Variants in FLRT3 observed in about 807,000 individuals in gnomAD.
FLRT3 encodes the protein fibronectin leucine rich transmembrane protein 3.
FLRT3 carries 17 observed loss-of-function variants against 42.6 expected under a neutral mutation model. The observed-to-expected ratio is 0.40, with a 90% CI of 0.27 to 0.60. The LOEUF is 0.60. Among genes scored for constraint, FLRT3 ranks in the 20% least tolerant of loss-of-function variants. The probability of loss-of-function intolerance (pLI) is 0.44; values close to 1 mark genes in which losing one functional copy is unlikely to be tolerated. For synonymous variants in FLRT3, 279 were observed against 286.4 expected, an observed-to-expected ratio of 0.97 and a Z score of 0.26; for missense variants, 635 against 789.2, an observed-to-expected ratio of 0.80 and a Z score of 2.34.
chr20:14,325,678 A>G lies in FLRT3; in HGVS notation c.1829T>C (p.Val610Ala), dbSNP rs554650400. Residue 610 changes from valine (V) to alanine (A), a missense_variant, in exon 3 of 3, where the codon GTA (valine) becomes GCA (alanine). Physicochemically the swap from Val to Ala is moderately conservative, Grantham distance 64. Transcript: ENST00000341420. ...ATTAGGAGGAAATATGGTGTGTATTACAAACTCCTCCTTCGAGATGGGTTC... is the reference window on the plus strand; with the variant it reads ...ATTAGGAGGAAATATGGTGTGTATTGCAAACTCCTCCTTCGAGATGGGTTC... Reference protein sequence around the residue: ...SNEPISKEEFVIHTIFPPNGM... With the variant: ...SNEPISKEEFAIHTIFPPNGM... The G allele has an allele frequency of 1.9e-5, 30 of 1,613,730 alleles. No homozygotes were observed. Among genetic ancestry groups the G allele is most frequent in the Non-Finnish European group, 2.0e-5 (24 of 1,179,804 alleles).
chr20:14,326,652 A>G lies in FLRT3; in HGVS notation c.855T>C (p.Asn285=). 6.2e-7 allele frequency: 1 copy of G among 1,613,772 alleles called. No individual in the cohort carries two copies. Among genetic ancestry groups the G allele is most frequent in the Non-Finnish European group, 8.5e-7 (1 of 1,179,816 alleles). ...RLDMSNNNLS[N]LPQGIFDDLD... is the part of the protein sequence containing the mutation. ...AATCATCAAAGATACCCTGAGGTAA[A>G]TTACTTAGGTTATTATTGGACATAT... The change falls in exon 3 of 3, where the codon AAT becomes AAC. Residue 285 remains asparagine (N), a synonymous_variant. Transcript: ENST00000341420. The surrounding 1 kb of genome is among the most constrained non-coding windows in gnomAD (Gnocchi z 5.5).
rs563726843 is a variant in FLRT3 at position 14,330,563 on chromosome 20, T to C, written c.-246-1236A>G. Among the ~76,000 whole-genome samples, 29 of 152,204 alleles carry C rather than the reference T, an allele frequency of 1.9e-4. No individual in the cohort carries two copies. The South Asian group carries it at 5.6e-3, about 29-fold the overall frequency. On this transcript the variant is annotated intron_variant, in intron 1 of 2. Transcript: ENST00000341420. ...AAAAATTCAGTTTCTTTTAGTTTGC[T>C]AACTACATACCAACATGGTCATAGG...
intron 2 of FLRT3, among the ~76,000 whole-genome samples, chr20:14,328,640 T>G (rs137919181): frequency 5.7e-4 from 87 of 152,248 alleles, no homozygotes; most frequent in African/African-American, 1.8e-3. Context: ...TATATTATTT[T>G]CCTGGTGAGG....
rs1437263755 is a variant in FLRT3, at chr20:14,329,115, C to A, written c.-53+19G>T. 1 of 152,174 alleles carries A rather than the reference C, an allele frequency of 6.6e-6. No individual in the cohort carries two copies. The highest frequency in any genetic ancestry group is 2.4e-5 in the African/African-American group (1 of 41,560). The allele number at this position is 152,174 out of a possible 1,614,324, so 9.4% of individuals were successfully genotyped here. A position where few individuals can be genotyped will look rare whatever the true frequency, so the allele number is the denominator to read the frequency against. On this transcript the variant is annotated intron_variant, in intron 2 of 2. Coordinates refer to ENST00000341420, the MANE Select transcript of FLRT3 (RefSeq NM_198391.3). ...AAGTATAAACTTTGTACAGTAGCTACATCCTGAGGTATGATTACCTGCTGT... is the reference window on the plus strand; with the variant it reads ...AAGTATAAACTTTGTACAGTAGCTAAATCCTGAGGTATGATTACCTGCTGT...
Position 14,337,509 on chromosome 20 carries a change from C to G in FLRT3, c.-352G>C, listed in dbSNP as rs1218047616. 5 of 398,654 alleles carry G rather than the reference C, an allele frequency of 1.3e-5. No homozygotes were observed. The Admixed American group carries it at 2.2e-4, about 18-fold the overall frequency. The allele number at this position is 398,654 out of a possible 1,614,324, so 24.7% of individuals were successfully genotyped here. A position where few individuals can be genotyped will look rare whatever the true frequency, so the allele number is the denominator to read the frequency against. ...CTCCCCCGTCTCCCAAGCTCTGCGT[C>G]CAGTCCACACAAAGCCCACGGCAGC... On this transcript the variant is annotated 5_prime_UTR_variant, in exon 1 of 3. Coordinates refer to ENST00000341420, the MANE Select transcript of FLRT3 (RefSeq NM_198391.3).
intron 1 of FLRT3, among the ~76,000 whole-genome samples, chr20:14,334,728 A>G (rs937361033): frequency 1.3e-5 from 2 of 152,040 alleles, no homozygotes; most frequent in Non-Finnish European, 2.9e-5. Flanking sequence ...AAAATTACTG[A>G]ATCTTATTTC....
At position 14,324,228 on chromosome 20, in the gene FLRT3, C is replaced by T. The variant is rs1406769122; in HGVS notation, c.*1329G>A. The T allele has an allele frequency of 6.6e-6, 1 of 151,796 alleles. No individual in the cohort carries two copies. Among genetic ancestry groups the T allele is most frequent in the Non-Finnish European group, 1.5e-5 (1 of 67,916 alleles). 9.4% of individuals were successfully genotyped at this position (151,796 alleles called of 1,614,324 possible). ...AGTTTTAAAAGCTGAATACATGTAG[C>T]GTTGGATCAAGGCACATACAAGACT... On this transcript the variant is annotated 3_prime_UTR_variant, in exon 3 of 3. Transcript: ENST00000341420.
At position 14,325,853 on chromosome 20, in the gene FLRT3, C is replaced by A. The variant is rs546681165; in HGVS notation, c.1654G>T (p.Val552Phe). ...IALLALVCWY[V>F]HRNGSLFSRN... ...GAGAAGAGCGATCCATTCCTATGAACATACCAACACACTAAAGCAAGAAGG... is the reference window on the plus strand; with the variant it reads ...GAGAAGAGCGATCCATTCCTATGAAAATACCAACACACTAAAGCAAGAAGG... The change falls in exon 3 of 3, where the codon GTT (valine) becomes TTT (phenylalanine). Residue 552 changes from valine to phenylalanine, a missense_variant. By Grantham distance (50) the Val-to-Phe change is conservative. Transcript: ENST00000341420. The A allele has an allele frequency of 6.2e-7, 1 of 1,613,918 alleles. No homozygotes were observed. The highest frequency in any genetic ancestry group is 1.3e-5 in the African/African-American group (1 of 75,020).
intron 2 of FLRT3, 25 bp from the exon 3 acceptor site, chr20:14,327,583 A>T: frequency 6.9e-7 from 1 of 1,457,978 alleles, no homozygotes; most frequent in Non-Finnish European, 9.2e-7. Context: ...GTAAAAAAAG[A>T]CAGAAAACAA....
Position 14,323,215 on chromosome 20 carries a change from GC to G in FLRT3, c.*2341del. 6.6e-6 allele frequency: 1 copy of G among 152,280 alleles called. No individual in the cohort carries two copies. The highest frequency in any genetic ancestry group is 2.4e-5 in the African/African-American group (1 of 41,564). 9.4% of individuals were successfully genotyped at this position (152,280 alleles called of 1,614,324 possible). On this transcript the variant is annotated 3_prime_UTR_variant, in exon 3 of 3. Transcript: ENST00000341420. ...ACTGCCTCCTCTTCAGACACCAGTT[GC>G]AAGACTAGTCAGCTTCAAGTTTGGT...
chr20:14,325,753 G>C lies in FLRT3; in HGVS notation c.1754C>G (p.Ser585Cys). The C allele has an allele frequency of 6.2e-7, 1 of 1,613,924 alleles. No homozygotes were observed. Among genetic ancestry groups the C allele is most frequent in the Non-Finnish European group, 8.5e-7 (1 of 1,179,874 alleles). ...AGAAGTTTCCCTGATTTCCAGGATA[G>C]AGTTGTCCTTCTTAGTGCCAGCTTC... ...YAEAGTKKDN[S>C]ILEIRETSFQ... Residue 585 changes from serine (S) to cysteine (C), a missense_variant, in exon 3 of 3, where the codon TCT becomes TGT. Coordinates refer to ENST00000341420, the MANE Select transcript of FLRT3 (RefSeq NM_198391.3).
chr20:14,331,337 C>G (rs139560933), intron 1 of FLRT3, among the ~76,000 whole-genome samples: 1 of 151,982 alleles, frequency 6.6e-6, no homozygotes, highest in Admixed American at 6.6e-5. Context: ...TGTGAAAAGA[C>G]GGAAGATTAA....
rs2082729675 is a variant in FLRT3, at chr20:14,326,122, C to G, written c.1385G>C (p.Ser462Thr). Residue 462 changes from serine (S) to threonine (T), a missense_variant, in exon 3 of 3, where the codon AGT (serine) becomes ACT (threonine). Coordinates refer to ENST00000341420, the MANE Select transcript of FLRT3 (RefSeq NM_198391.3). This position sits in a 1 kb window ranked among gnomAD's most constrained non-coding sequence, Gnocchi z 5.5. ...ITETIVTGER[S>T]EYLVTALEPD... Reference sequence around the variant, plus strand: ...CTCCAGGGCTGTGACCAAGTACTCACTGCGTTCCCCTGTTACAATTGTTTC... The same window carrying G: ...CTCCAGGGCTGTGACCAAGTACTCAGTGCGTTCCCCTGTTACAATTGTTTC... The G allele has an allele frequency of 1.2e-6, 2 of 1,613,768 alleles. No homozygotes were observed. Among genetic ancestry groups the G allele is most frequent in the Non-Finnish European group, 1.7e-6 (2 of 1,179,894 alleles).
rs6131569 is a variant in FLRT3 at position 14,323,443 on chromosome 20, T to C, written c.*2114A>G. 58,935 of 152,066 alleles carry C rather than the reference T, an allele frequency of 0.39. 12,833 individuals are homozygous for C. Among genetic ancestry groups the C allele is most frequent in the Non-Finnish European group, 0.49 (33,308 of 67,952 alleles). The allele number at this position is 152,066 out of a possible 1,614,324, so 9.4% of individuals were successfully genotyped here. A position where few individuals can be genotyped will look rare whatever the true frequency, so the allele number is the denominator to read the frequency against. On this transcript the variant is annotated 3_prime_UTR_variant, in exon 3 of 3. Coordinates refer to ENST00000341420, the MANE Select transcript of FLRT3 (RefSeq NM_198391.3). Reference sequence around the variant, plus strand: ...GCAGGAACCACCACATGTTCAGCAATCTGGAAGCTCTCCAAATCTTGACCT... The same window carrying C: ...GCAGGAACCACCACATGTTCAGCAACCTGGAAGCTCTCCAAATCTTGACCT...
chr20:14,328,412 T>C (rs1354614776), intron 2 of FLRT3, among the ~76,000 whole-genome samples: 2 of 152,164 alleles, frequency 1.3e-5, no homozygotes, highest in East Asian at 3.8e-4. Flanking sequence ...TCACAGTGCA[T>C]TTATATTTCT....
intron 1 of FLRT3, among the ~76,000 whole-genome samples, chr20:14,332,962 G>A (rs2082871576): frequency 6.6e-6 from 1 of 152,074 alleles, no homozygotes; most frequent in Non-Finnish European, 1.5e-5. Flanking sequence ...AAAAACTGGA[G>A]TACATCAGGT....
In FLRT3 at chr20:14,326,039, A is replaced by G. The variant is rs767143143; in HGVS notation, c.1468T>C (p.Phe490Leu). 6 of 1,613,804 alleles carry G rather than the reference A, an allele frequency of 3.7e-6. No individual in the cohort carries two copies. The highest frequency in any genetic ancestry group is 5.1e-6 in the Non-Finnish European group (6 of 1,179,882). ...VPMETSNLYLFDETPVCIETE... is the reference protein window; with the variant it reads ...VPMETSNLYLLDETPVCIETE... ...TCAATACAAACAGGAGTTTCATCAA[A>G]TAGGTAGAGGTTGCTGGTTTCCATG... Residue 490 changes from phenylalanine to leucine, a missense_variant, in exon 3 of 3, where the codon TTT becomes CTT. Coordinates refer to ENST00000341420, the MANE Select transcript of FLRT3 (RefSeq NM_198391.3). This position sits in a 1 kb window ranked among gnomAD's most constrained non-coding sequence, Gnocchi z 5.5.
Position 14,325,794 on chromosome 20 carries a change from T to G in FLRT3, c.1713A>C (p.Arg571Ser). The change falls in exon 3 of 3, where the codon AGA becomes AGC. Residue 571 changes from arginine (R) to serine (S), a missense_variant. Transcript: ENST00000341420. ...RNCAYSKGRR[R>S]KDDYAEAGTK... is the part of the protein sequence containing the mutation. ...TGCCAGCTTCTGCATAGTCATCCTTTCTTCTCCTCCCTTTGCTATATGCAC... is the reference window on the plus strand; with the variant it reads ...TGCCAGCTTCTGCATAGTCATCCTTGCTTCTCCTCCCTTTGCTATATGCAC... The G allele has an allele frequency of 6.2e-7, 1 of 1,613,932 alleles. No homozygotes were observed. Among genetic ancestry groups the G allele is most frequent in the Non-Finnish European group, 8.5e-7 (1 of 1,179,860 alleles).
At position 14,326,245 on chromosome 20, in the gene FLRT3, T is replaced by G. The variant is rs1427322976; in HGVS notation, c.1262A>C (p.Asp421Ala). The part of the protein sequence containing the change: ...ITITVKSVTS[D>A]TIHISWKLAL... ...AAGTTTCCAAGAGATATGAATGGTA[T>G]CAGAGGTGACAGACTTCACAGTAAT... is the stretch of plus-strand genomic sequence containing the variant. The change falls in exon 3 of 3, where the codon GAT (aspartate) becomes GCT (alanine). Residue 421 changes from aspartate to alanine, a missense_variant. Transcript: ENST00000341420. This position sits in a 1 kb window ranked among gnomAD's most constrained non-coding sequence, Gnocchi z 5.5. The G allele has an allele frequency of 6.2e-7, 1 of 1,613,818 alleles. No homozygotes were observed. Among genetic ancestry groups the G allele is most frequent in the Non-Finnish European group, 8.5e-7 (1 of 1,179,872 alleles).
Sources: allele counts gnomAD v4.1 joint callset (sites outside exome capture counted in the v4.1 genomes callset), GRCh38; gene constraint gnomAD v4.1.1; non-coding constraint Gnocchi (gnomAD v3.1); transcripts MANE v1.5; gene names NCBI Gene and HGNC (gene_info 2026-07-23, HGNC 2026-07-21).